Variants in ATP11C observed in about 807,000 individuals in gnomAD.
ATP11C encodes ATPase phospholipid transporting 11C (ATP11C blood group).
In ATP11C, 36 loss-of-function variants were observed where a neutral mutation model predicts 97.4. The ratio of observed to expected loss-of-function variants is 0.37; its 90% CI spans 0.28 to 0.49. The LOEUF (loss-of-function observed/expected upper bound fraction) is 0.49, where lower values mean the gene tolerates loss of function less well. Among genes scored for constraint, ATP11C ranks in the 20% least tolerant of loss-of-function variants. The pLI is 0.98. For synonymous variants in ATP11C, 275 were observed against 290.9 expected (o/e 0.95, Z 0.56); for missense variants, 730 against 824.6 (o/e 0.89, Z 1.40).
At chrX:139,929,708 A>G (rs929740012) in intron 1 of ATP11C, among the ~76,000 whole-genome samples, 16 of 111,899 alleles carry the variant, frequency 1.4e-4, no homozygotes, top group Non-Finnish European at 2.3e-4. Flanking sequence ...TAAAACAATC[A>G]TAAGACAACT....
chrX:139,828,848 C>G (rs1214784851), intron 1 of ATP11C, among the ~76,000 whole-genome samples: 1 of 112,080 alleles, frequency 8.9e-6, no homozygotes, highest in African/African-American at 3.2e-5. Flanking sequence ...TGGACTAGTG[C>G]TTTCCCAATT....
chrX:139,802,928 C>G (rs2082955782), intron 6 of ATP11C, among the ~76,000 whole-genome samples: 1 of 111,821 alleles, frequency 8.9e-6, no homozygotes, highest in Non-Finnish European at 1.9e-5. Context: ...GAATATTCTA[C>G]TAGTGTATAT....
chrX:139,753,765 C>T (rs1047474248), intron 23 of ATP11C, among the ~76,000 whole-genome samples: 4 of 110,018 alleles, frequency 3.6e-5, no homozygotes, highest in African/African-American at 6.6e-5. Context: ...GCCGAAATCA[C>T]GCCACTGCAT....
chrX:139,898,853 A>G (rs1180741577), intron 1 of ATP11C, among the ~76,000 whole-genome samples: 3 of 111,879 alleles, frequency 2.7e-5, no homozygotes, highest in Admixed American at 9.6e-5. Context: ...TTGTTTCCAT[A>G]GAGTACAGTA....
intron 12 of ATP11C, 98 bp downstream of exon 12, chrX:139,796,175 C>T (rs1294459305): frequency 9.5e-6 from 6 of 628,822 alleles, no homozygotes; most frequent in Non-Finnish European, 1.3e-5. Flanking sequence ...AATCACTTTT[C>T]CAAATGTGAC....
intron 5 of ATP11C, among the ~76,000 whole-genome samples, chrX:139,811,652 C>A (rs1461076308): frequency 9.1e-6 from 1 of 109,609 alleles, no homozygotes; most frequent in Non-Finnish European, 1.9e-5. Context: ...CTGAATATAT[C>A]CATTTCCCTT....
At chrX:139,935,928 G>A (rs987581090), upstream of ATP11C, among the ~76,000 whole-genome samples, 16 of 110,311 alleles carry the variant, frequency 1.5e-4, no homozygotes, top group Non-Finnish European at 1.9e-5. Context: ...CCCGGGAGGT[G>A]GAGGTTGCAG....
chrX:139,800,087 T>C lies in ATP11C; in HGVS notation c.683A>G (p.Tyr228Cys). Residue 228 changes from tyrosine (Y) to cysteine (C), a missense_variant, in exon 8 of 30, where the codon TAC (tyrosine) becomes TGC (cysteine). Coordinates refer to ENST00000682941, the MANE Select transcript of ATP11C (RefSeq NM_001353812.2). ...LYKFVGRINIYSNSLEAVARS... is the reference protein window; with the variant it reads ...LYKFVGRINICSNSLEAVARS... The stretch of plus-strand genomic sequence containing the variant: ...GGCAACAGCCTCAAGACTATTACTG[T>C]AGATATTGATTCGCCCAACAAATCT... 9.0e-7 allele frequency: 1 copy of C among 1,111,598 alleles called. No homozygotes were observed. The highest frequency in any genetic ancestry group is 1.2e-6 in the Non-Finnish European group (1 of 834,109). The allele number at this position is 1,111,598 out of a possible 1,213,427, so 91.6% of individuals were successfully genotyped here. A position where few individuals can be genotyped will look rare whatever the true frequency, so the allele number is the denominator to read the frequency against.
At chrX:139,803,902 T>C (rs1473785503) in intron 6 of ATP11C, among the ~76,000 whole-genome samples, 1 of 107,616 alleles carries the variant, frequency 9.3e-6, no homozygotes, top group Non-Finnish European at 1.9e-5. Context: ...GGTTTCACCA[T>C]GTTGGCCAGG....
chrX:139,860,301 C>T (rs1262419026), intron 1 of ATP11C, among the ~76,000 whole-genome samples: 1 of 110,701 alleles, frequency 9.0e-6, no homozygotes, highest in Non-Finnish European at 1.9e-5. Flanking sequence ...ATAGTGACTG[C>T]AACTTACCAA....
intron 1 of ATP11C, among the ~76,000 whole-genome samples, chrX:139,886,491 A>G (rs2084643912): frequency 9.4e-6 from 1 of 106,651 alleles, no homozygotes; most frequent in Admixed American, 1.0e-4. Flanking sequence ...CGGGAGGCTG[A>G]GGCAGAAGAA....
rs754645272 is a variant in ATP11C, at chrX:139,832,158, G to A, written c.28-5335C>T. On this transcript the variant is annotated intron_variant, in intron 1 of 29. Transcript: ENST00000682941. ...AAATAAATATAGATTACAAACCTCA[G>A]AGGCTGGAGGGAGAGATGGGACCAT... 20 of 1,207,660 alleles carry A rather than the reference G, an allele frequency of 1.7e-5. No homozygotes were observed. The highest frequency in any genetic ancestry group is 1.5e-5 in the Non-Finnish European group (13 of 893,843).
At chrX:139,796,191 C>G in intron 12 of ATP11C, 82 bp downstream of exon 12, 2 of 720,448 alleles carry the variant, frequency 2.8e-6, no homozygotes, top group Non-Finnish European at 3.8e-6. Flanking sequence ...GTGACATGGT[C>G]ACATATATTG....
intron 1 of ATP11C, among the ~76,000 whole-genome samples, chrX:139,832,981 T>C (rs1392248587): frequency 2.7e-5 from 3 of 112,350 alleles, no homozygotes; most frequent in Non-Finnish European, 5.6e-5. Context: ...AATTACTTTC[T>C]AGATCACCAC....
intron 1 of ATP11C, among the ~76,000 whole-genome samples, chrX:139,931,471 G>A (rs1245559112): frequency 8.0e-5 from 9 of 111,966 alleles, no homozygotes; most frequent in Admixed American, 2.8e-4. Flanking sequence ...AGCTTTGTAG[G>A]CTGGGTCTCC....
intron 1 of ATP11C, among the ~76,000 whole-genome samples, chrX:139,883,099 T>C (rs2084587032): frequency 1.8e-5 from 2 of 111,821 alleles, no homozygotes; most frequent in African/African-American, 6.5e-5. Flanking sequence ...AGCACCTCTA[T>C]GTATGCTTCC....
At chrX:139,814,643 T>A (rs187053587) in intron 5 of ATP11C, among the ~76,000 whole-genome samples, 1,120 of 111,405 alleles carry the variant, frequency 0.01, 45 homozygotes, top group Admixed American at 0.099. Context: ...ACATTCAGAA[T>A]ACATACATCC....
At chrX:139,900,956 G>C (rs1457967575) in intron 1 of ATP11C, among the ~76,000 whole-genome samples, 1 of 111,813 alleles carries the variant, frequency 8.9e-6, no homozygotes, top group Non-Finnish European at 1.9e-5. Context: ...AAGCCAGACA[G>C]TTCCAAAGTG....
chrX:139,819,595 GT>G (rs986858527), intron 2 of ATP11C, among the ~76,000 whole-genome samples, 168 bp from the exon 3 acceptor site: 9 of 112,129 alleles, frequency 8.0e-5, no homozygotes, highest in African/African-American at 2.3e-4. Context: ...TAGAGGCACT[GT>G]ATATGAAAAC....
Sources: allele counts gnomAD v4.1 joint callset (sites outside exome capture counted in the v4.1 genomes callset), GRCh38; gene constraint gnomAD v4.1.1; transcripts MANE v1.5; gene names NCBI Gene and HGNC (gene_info 2026-07-23, HGNC 2026-07-21).